The following GPC5 variants were observed in gnomAD, a reference collection of about 807,000 sequenced individuals.
GPC5 encodes the protein glypican-5.
A neutral mutation model predicts 53.9 loss-of-function variants in GPC5; 47 were observed. The ratio of observed to expected loss-of-function variants is 0.87; its 90% CI spans 0.69 to 1.11. The LOEUF is 1.11. Ranked by LOEUF, GPC5 falls within the 50% of genes most tolerant of loss-of-function variation. The pLI is 0.00. For missense variants in GPC5, 748 were observed against 713.1 expected (o/e 1.05, Z -0.56); for synonymous variants, 286 against 263.3 (o/e 1.09, Z -0.84).
At chr13:92,300,776 T>C (rs76043436) in intron 7 of GPC5, among the ~76,000 whole-genome samples, 1,528 of 152,330 alleles carry the variant, frequency 0.01, 26 homozygotes, top group African/African-American at 0.035. Context: ...AGTTTGAATT[T>C]ATATTGAGTT....
Position 91,783,941 on chromosome 13 carries a change from C to G in GPC5, c.1280+27521C>G, listed in dbSNP as rs1594560326. On this transcript the variant is annotated intron_variant, in intron 5 of 7. Coordinates refer to ENST00000377067, the MANE Select transcript of GPC5 (RefSeq NM_004466.6). Reference sequence around the variant, plus strand: ...ATGAGAGACGGTTAGTATAAAGGTCCCAAAAGATAATTTATAATCATAAAA... The same window carrying G: ...ATGAGAGACGGTTAGTATAAAGGTCGCAAAAGATAATTTATAATCATAAAA... Among the ~76,000 whole-genome samples, 3 of 151,970 alleles carry G rather than the reference C, an allele frequency of 2.0e-5. No homozygotes were observed. The East Asian group carries it at 5.8e-4, about 29-fold the overall frequency.
chr13:92,478,755 A>G (rs1879241482), intron 7 of GPC5, among the ~76,000 whole-genome samples: 1 of 152,190 alleles, frequency 6.6e-6, no homozygotes, highest in Admixed American at 6.6e-5. Context: ...GTCCCACCGC[A>G]GGGCTTGAAT....
intron 7 of GPC5, among the ~76,000 whole-genome samples, chr13:92,208,686 A>C (rs566375758): frequency 3.8e-4 from 58 of 152,374 alleles, no homozygotes; most frequent in Admixed American, 1.2e-3. Flanking sequence ...TAAAGATGAA[A>C]GGGTCGCTCT....
At chr13:92,331,096 G>T (rs1355881497) in intron 7 of GPC5, among the ~76,000 whole-genome samples, 1 of 152,014 alleles carries the variant, frequency 6.6e-6, no homozygotes, top group Non-Finnish European at 1.5e-5. Context: ...TGTTAATAAG[G>T]ATCGGTACAT....
intron 2 of GPC5, among the ~76,000 whole-genome samples, chr13:91,550,094 G>A (rs1419282391): frequency 6.6e-6 from 1 of 152,074 alleles, no homozygotes; most frequent in Non-Finnish European, 1.5e-5. Context: ...GAAAAGACAT[G>A]GAGGAAACTT....
intron 7 of GPC5, among the ~76,000 whole-genome samples, chr13:92,239,170 G>T (rs1424639934): frequency 1.4e-5 from 2 of 141,728 alleles, no homozygotes; most frequent in Admixed American, 7.1e-5. Context: ...TTTTTTTCAA[G>T]ATTCTACTGG....
intron 7 of GPC5, among the ~76,000 whole-genome samples, chr13:92,804,368 T>A (rs569184346): frequency 6.6e-6 from 1 of 152,104 alleles, no homozygotes; most frequent in Admixed American, 6.6e-5. Context: ...CAGGTTTGGT[T>A]CTAGACCACA....
At chr13:91,912,379 A>G (rs2039617880) in intron 6 of GPC5, among the ~76,000 whole-genome samples, 1 of 152,118 alleles carries the variant, frequency 6.6e-6, no homozygotes, top group Non-Finnish European at 1.5e-5. Flanking sequence ...AAGAATAATG[A>G]ATGCTCATCA....
intron 7 of GPC5, among the ~76,000 whole-genome samples, chr13:92,372,232 T>G (rs777235981): frequency 1.3e-5 from 2 of 152,166 alleles, no homozygotes; most frequent in African/African-American, 4.8e-5. Context: ...AGGCTAAATT[T>G]TTGGTAATTT....
At chr13:91,418,271 G>C (rs1878374090) in intron 1 of GPC5, among the ~76,000 whole-genome samples, 1 of 152,086 alleles carries the variant, frequency 6.6e-6, no homozygotes, top group Admixed American at 6.6e-5. Flanking sequence ...AAGAAGAAAG[G>C]GTTTTGAGAA....
At chr13:91,674,467 A>G (rs971301390) in intron 2 of GPC5, among the ~76,000 whole-genome samples, 1 of 150,668 alleles carries the variant, frequency 6.6e-6, no homozygotes, top group Non-Finnish European at 1.5e-5. Flanking sequence ...ACACACGCAC[A>G]TATACACACA....
chr13:92,385,805 A>G (rs1433314188), intron 7 of GPC5, among the ~76,000 whole-genome samples: 10 of 22,948 alleles, frequency 4.4e-4, no homozygotes, highest in African/African-American at 2.5e-3. Context: ...ATATATACGT[A>G]TATATATACA....
At chr13:91,429,509 C>G (rs1879283340) in intron 1 of GPC5, among the ~76,000 whole-genome samples, 1 of 152,044 alleles carries the variant, frequency 6.6e-6, no homozygotes, top group Non-Finnish European at 1.5e-5. Context: ...AACATAGGCC[C>G]TCAGAAAAGA....
In GPC5 at chr13:91,430,010, CTA is replaced by C. The variant is rs202020385; in HGVS notation, c.164-18749_164-18748del. Among the ~76,000 whole-genome samples the C allele has an allele frequency of 2.1e-3, 321 of 152,252 alleles. 1 individual carries two copies. Among genetic ancestry groups the C allele is most frequent in the East Asian group, 9.5e-3 (49 of 5,180 alleles). ...ATAAAAGAGTGCAAGAGTCAAGAAA[CTA>C]TGTTTTTAGGGAACAGGCCAAAATG... On this transcript the variant is annotated intron_variant, in intron 1 of 7. Transcript: ENST00000377067.
intron 7 of GPC5, among the ~76,000 whole-genome samples, chr13:92,665,663 G>T (rs138519774): frequency 5.9e-5 from 9 of 152,228 alleles, no homozygotes; most frequent in African/African-American, 2.2e-4. Context: ...TGCTCTAAAA[G>T]GATGCTTTCT....
At chr13:92,699,235 A>G (rs1462292791) in intron 7 of GPC5, among the ~76,000 whole-genome samples, 2 of 152,026 alleles carry the variant, frequency 1.3e-5, no homozygotes, top group Admixed American at 6.6e-5. Flanking sequence ...ATAGTATTCT[A>G]TGATGCTAGT....
intron 7 of GPC5, among the ~76,000 whole-genome samples, chr13:92,836,195 CT>C (rs1387305547): frequency 6.6e-6 from 1 of 151,850 alleles, no homozygotes; most frequent in African/African-American, 2.4e-5. Context: ...TTTTTTATAG[CT>C]TATTTTTTCT....
At chr13:91,708,993 C>T (rs2036169700) in intron 3 of GPC5, among the ~76,000 whole-genome samples, 1 of 152,208 alleles carries the variant, frequency 6.6e-6, no homozygotes, top group African/African-American at 2.4e-5. Flanking sequence ...GCTCAACTTT[C>T]AGATCCTGAA....
intron 6 of GPC5, among the ~76,000 whole-genome samples, chr13:91,942,078 C>T (rs2039932669): frequency 6.6e-6 from 1 of 152,100 alleles, no homozygotes; most frequent in South Asian, 2.1e-4. Flanking sequence ...TAAGATCTAA[C>T]TTCCTAGCAA....
Sources: gnomAD v4.1 joint callset for allele counts (sites outside exome capture counted in the v4.1 genomes callset) on GRCh38, gnomAD v4.1.1 for gene constraint, MANE v1.5 for transcripts, NCBI Gene and HGNC (gene_info 2026-07-23, HGNC 2026-07-21) for gene names.